PLB1: variants seen among roughly 807,000 people sequenced by gnomAD.
The protein encoded by PLB1 is phospholipase B1, membrane-associated.
Under a neutral mutation model 227.4 loss-of-function variants are expected in PLB1, and 242 were observed. That is an observed-to-expected ratio of 1.06 (90% confidence interval 0.96 to 1.18). The LOEUF is 1.18. Among genes scored for constraint, PLB1 ranks in the 50% most tolerant of loss-of-function variants. The pLI, the probability that PLB1 is intolerant of heterozygous loss-of-function variation, is 0.00. For synonymous variants in PLB1, 757 were observed against 682.2 expected, an observed-to-expected ratio of 1.11 and a Z score of -1.71; for missense variants, 1,858 against 1,816.3, an observed-to-expected ratio of 1.02 and a Z score of -0.42.
intron 1 of PLB1, among the ~76,000 whole-genome samples, chr2:28,500,630 C>G (rs1435916778): frequency 6.6e-6 from 1 of 152,056 alleles, no homozygotes; most frequent in Non-Finnish European, 1.5e-5. Flanking sequence ...GAACTCCCCC[C>G]TCCTTTTTGT....
At chr2:28,566,019 T>C (rs1482417023) in intron 19 of PLB1, among the ~76,000 whole-genome samples, 1 of 152,164 alleles carries the variant, frequency 6.6e-6, no homozygotes, top group Non-Finnish European at 1.5e-5. Flanking sequence ...CATTCCCTTA[T>C]CCTGTATCAC....
intron 6 of PLB1, among the ~76,000 whole-genome samples, chr2:28,527,274 C>G (rs1451000096): frequency 6.6e-6 from 1 of 152,188 alleles, no homozygotes; most frequent in Non-Finnish European, 1.5e-5. Flanking sequence ...CCAGAGGTCC[C>G]GCAGAAAGCA....
chr2:28,558,148 G>A (rs1167158061), intron 17 of PLB1, among the ~76,000 whole-genome samples: 1 of 85,324 alleles, frequency 1.2e-5, no homozygotes, highest in Non-Finnish European at 2.7e-5. Context: ...AGGGGGGTGT[G>A]TGTGTCTCTG....
chr2:28,541,864 G>A lies in PLB1; in HGVS notation c.879+53G>A, dbSNP rs1045622896. 15 of 1,426,524 alleles carry A rather than the reference G, an allele frequency of 1.1e-5. No individual in the cohort carries two copies. The African/African-American group carries it at 2.1e-4, about 20-fold the overall frequency. The allele number at this position is 1,426,524 out of a possible 1,614,324, so 88.4% of individuals were successfully genotyped here. A position where few individuals can be genotyped will look rare whatever the true frequency, so the allele number is the denominator to read the frequency against. ...GAGTGTGGTGGGGGCCGGGCATGGT[G>A]GCTCACTCCTGTAATCCCAGCACTT... On this transcript the variant is annotated intron_variant, in intron 13 of 57. Transcript: ENST00000327757.
At position 28,579,665 on chromosome 2, in the gene PLB1, G is replaced by A. The variant is rs763767548; in HGVS notation, c.1524G>A (p.Leu508=). 6.2e-7 allele frequency: 1 copy of A among 1,613,490 alleles called. No homozygotes were observed. Among genetic ancestry groups the A allele is most frequent in the South Asian group, 1.1e-5 (1 of 91,086 alleles). Residue 508 remains leucine (L), a synonymous_variant, in exon 23 of 58, where the codon CTG becomes CTA. Coordinates refer to ENST00000327757, the MANE Select transcript of PLB1 (RefSeq NM_153021.5). ...AGGAAGACTGGAAGATAATAACCCT[G>A]TTTATAGGCGGCAATGACCTCTGTG... The part of the protein sequence containing the change: ...HFQEDWKIIT[L]FIGGNDLCDF...
intron 56 of PLB1, among the ~76,000 whole-genome samples, chr2:28,639,066 TAA>T (rs35534591): frequency 0.34 from 43,767 of 130,266 alleles, 6,899 homozygotes; most frequent in Non-Finnish European, 0.4. Flanking sequence ...AGATTCCATC[TAA>T]AAAAAAAAAA....
Position 28,604,744 on chromosome 2 carries a change from G to C in PLB1, c.2946G>C (p.Gln982His), listed in dbSNP as rs145915421. Residue 982 changes from glutamine (Q) to histidine (H), a missense_variant, in exon 41 of 58, where the codon CAG becomes CAC. By Grantham distance (24) the Gln-to-His change is conservative (BLOSUM62 0). Coordinates refer to ENST00000327757, the MANE Select transcript of PLB1 (RefSeq NM_153021.5). ...VVLQPFFQNI[Q>H]LPVLADGLPD... ...TGCAGCCCTTCTTCCAGAACATCCA[G>C]CTCCCTGTCCTGGCGGTATGTCCCC... is the stretch of plus-strand genomic sequence containing the variant. 1 of 1,614,112 alleles carries C rather than the reference G, an allele frequency of 6.2e-7. No homozygotes were observed. The highest frequency in any genetic ancestry group is 8.5e-7 in the Non-Finnish European group (1 of 1,179,966).
In PLB1 at chr2:28,618,586, C is replaced by T. The variant is rs530988522; in HGVS notation, c.3315+187C>T. 5.1e-3 allele frequency: 3,108 copies of T among 605,884 alleles called. 11 individuals are homozygous for T. Among genetic ancestry groups the T allele is most frequent in the Admixed American group, 8.3e-3 (284 of 34,414 alleles). 37.5% of individuals were successfully genotyped at this position (605,884 alleles called of 1,614,324 possible). On this transcript the variant is annotated intron_variant, in intron 46 of 57. Coordinates refer to ENST00000327757, the MANE Select transcript of PLB1 (RefSeq NM_153021.5). ...GCCCTGTCTCGCCACCTTCCCAGTT[C>T]TGCTCAAAGCCCCCTCGTCCATGAG...
chr2:28,585,493 T>G, intron 25 of PLB1: 1 of 362,612 alleles, frequency 2.8e-6, no homozygotes, highest in East Asian at 5.7e-5. Flanking sequence ...GCCAGCCTGG[T>G]CTTGAACTCC....
intron 38 of PLB1, 41 bp downstream of exon 38, chr2:28,602,005 TG>T: frequency 1.3e-6 from 2 of 1,510,950 alleles, no homozygotes; most frequent in Non-Finnish European, 1.8e-6. Context: ...AGCTCAAGCA[TG>T]GTGAGGGTGA....
intron 25 of PLB1, 54 bp from the exon 26 acceptor site, chr2:28,585,707 A>G: frequency 7.2e-7 from 1 of 1,393,822 alleles, no homozygotes; most frequent in Non-Finnish European, 1.0e-6. Context: ...TGCATCACTT[A>G]TTCAGGATGG....
At chr2:28,564,774 AGGCAAG>A (rs1360892321) in intron 18 of PLB1, among the ~76,000 whole-genome samples, 1 of 152,222 alleles carries the variant, frequency 6.6e-6, no homozygotes, top group Non-Finnish European at 1.5e-5. Flanking sequence ...AAAGTGCTTT[AGGCAAG>A]GGACACGCAC....
At position 28,643,101 on chromosome 2, in the gene PLB1, C is replaced by T; in HGVS notation, c.*40C>T. ...CCTCACCCTAAACTCCCTATAGCCACTCTCTTCACCGCCCTCTGCCCCAGC... is the reference window on the plus strand; with the variant it reads ...CCTCACCCTAAACTCCCTATAGCCATTCTCTTCACCGCCCTCTGCCCCAGC... On this transcript the variant is annotated 3_prime_UTR_variant, in exon 58 of 58. Transcript: ENST00000327757. The T allele has an allele frequency of 6.6e-7, 1 of 1,507,242 alleles. No homozygotes were observed. The highest frequency in any genetic ancestry group is 8.9e-7 in the Non-Finnish European group (1 of 1,118,518). 93.4% of individuals were successfully genotyped at this position (1,507,242 alleles called of 1,614,324 possible). A position where few individuals can be genotyped will look rare whatever the true frequency, so the allele number is the denominator to read the frequency against.
intron 12 of PLB1, among the ~76,000 whole-genome samples, chr2:28,541,425 C>CCA (rs1193564781): frequency 6.6e-6 from 1 of 152,196 alleles, no homozygotes; most frequent in Non-Finnish European, 1.5e-5. Context: ...GGGGGCCCTG[C>CCA]CACACGCTGG....
chr2:28,526,343 C>G (rs990164243), intron 6 of PLB1, among the ~76,000 whole-genome samples: 1 of 151,908 alleles, frequency 6.6e-6, no homozygotes, highest in Non-Finnish European at 1.5e-5. Context: ...AGGACCCAGC[C>G]GAATTTCCAG....
intron 49 of PLB1, among the ~76,000 whole-genome samples, chr2:28,622,088 G>A (rs894835466): frequency 1.2e-4 from 19 of 152,312 alleles, no homozygotes; most frequent in African/African-American, 4.6e-4. Flanking sequence ...TCCAATGTTA[G>A]GGGAAAGGAA....
intron 33 of PLB1, chr2:28,594,211 A>T: frequency 5.8e-6 from 2 of 342,068 alleles, no homozygotes; most frequent in South Asian, 2.4e-5. Flanking sequence ...CCCATCGCAC[A>T]CTTCGAGAGG....
In PLB1 at chr2:28,642,927, G is replaced by A; in HGVS notation, c.4243G>A (p.Val1415Met). The A allele has an allele frequency of 1.2e-6, 2 of 1,609,052 alleles. No individual in the cohort carries two copies. The highest frequency in any genetic ancestry group is 1.7e-6 in the Non-Finnish European group (2 of 1,177,808). The change falls in exon 58 of 58, where the codon GTG (valine) becomes ATG (methionine). Residue 1415 changes from valine to methionine, a missense_variant. Val to Met is a conservative substitution (Grantham distance 21). Transcript: ENST00000327757. Reference sequence around the variant, plus strand: ...AGACCAGGCTGAAGAAGCCCCCGAGGTGCTCTACTGGGCTGTCCCAGTGGC... The same window carrying A: ...AGACCAGGCTGAAGAAGCCCCCGAGATGCTCTACTGGGCTGTCCCAGTGGC... ...LPDQAEEAPE[V>M]LYWAVPVAAG...
intron 1 of PLB1, among the ~76,000 whole-genome samples, chr2:28,501,352 T>A (rs1368203336): frequency 6.6e-6 from 1 of 152,218 alleles, no homozygotes; most frequent in African/African-American, 2.4e-5. Flanking sequence ...TCCTTTGCCA[T>A]ACTTCCGTCC....
Sources: gnomAD v4.1 joint callset for allele counts (sites outside exome capture counted in the v4.1 genomes callset) on GRCh38, gnomAD v4.1.1 for gene constraint, MANE v1.5 for transcripts, NCBI Gene and HGNC (gene_info 2026-07-23, HGNC 2026-07-21) for gene names.